The following PDE10A variants were observed in gnomAD, a reference collection of about 807,000 sequenced individuals.
The protein encoded by PDE10A is cAMP and cAMP-inhibited cGMP 3',5'-cyclic phosphodiesterase 10A.
A neutral mutation model predicts 97.7 loss-of-function variants in PDE10A; 39 were observed. That is an observed-to-expected ratio of 0.40 (90% CI 0.31 to 0.52). The LOEUF is 0.52. Ranked by LOEUF, PDE10A falls within the 20% of genes least tolerant of loss-of-function variation. PDE10A has a pLI of 0.56. For synonymous variants in PDE10A, 371 were observed against 376.8 expected, an observed-to-expected ratio of 0.98 and a Z score of 0.18; for missense variants, 731 against 1,047.8, an observed-to-expected ratio of 0.70 and a Z score of 4.17.
Position 165,662,106 on chromosome 6 carries a change from C to CGCCGGGGAA in PDE10A, c.697_705dup (p.Phe233_Gly235dup). ...GTTTGGCCGCCGCCGCCTGGGCCGGCGCCGGGGAAGCCGGGGGAGCCCGCG... is the reference window on the plus strand; with the variant it reads ...GTTTGGCCGCCGCCGCCTGGGCCGGCGCCGGGGAAGCCGGGGAAGCCGGGGGAGCCCGCG... On this transcript the variant is annotated inframe_insertion, in exon 1 of 22. Transcript: ENST00000539869. 9.2e-7 allele frequency: 1 copy of CGCCGGGGAA among 1,086,108 alleles called. No individual in the cohort carries two copies. The highest frequency in any genetic ancestry group is 1.1e-6 in the Non-Finnish European group (1 of 892,498). 67.3% of individuals were successfully genotyped at this position (1,086,108 alleles called of 1,614,324 possible).
chr6:165,338,951 A>G (rs1781811570), intron 20 of PDE10A, among the ~76,000 whole-genome samples: 1 of 152,206 alleles, frequency 6.6e-6, no homozygotes, highest in African/African-American at 2.4e-5. Context: ...TGTGGCTTTT[A>G]GCCTTGGGAA....
At chr6:165,437,214 T>C (rs929980466) in intron 5 of PDE10A, among the ~76,000 whole-genome samples, 2 of 151,272 alleles carry the variant, frequency 1.3e-5, no homozygotes, top group African/African-American at 2.4e-5. Context: ...ATTTGTTTGT[T>C]TGAAAATGTA....
intron 1 of PDE10A, among the ~76,000 whole-genome samples, chr6:165,926,312 T>G (rs1374839137): frequency 1.3e-5 from 2 of 152,214 alleles, no homozygotes; most frequent in African/African-American, 2.4e-5. Flanking sequence ...AAACCATCCC[T>G]TCTTACCTGG....
chr6:165,358,680 AATTGTTGG>A (rs1783191110), intron 18 of PDE10A, among the ~76,000 whole-genome samples: 1 of 151,792 alleles, frequency 6.6e-6, no homozygotes, highest in African/African-American at 2.4e-5. Context: ...TATTTAATTT[AATTGTTGG>A]TTTTATTAGG....
chr6:165,488,813 A>C (rs1198139928), intron 2 of PDE10A, among the ~76,000 whole-genome samples: 5 of 151,980 alleles, frequency 3.3e-5, no homozygotes, highest in Non-Finnish European at 7.4e-5. Context: ...TGCCGGCTTT[A>C]CCCCACTTTT....
chr6:165,881,206 G>A (rs1781462475), intron 1 of PDE10A, among the ~76,000 whole-genome samples: 1 of 152,100 alleles, frequency 6.6e-6, no homozygotes, highest in Non-Finnish European at 1.5e-5. Flanking sequence ...TGGCTAATAG[G>A]AATGGAAATG....
At chr6:165,707,765 GTGTA>G (rs1392541877) in intron 1 of PDE10A, among the ~76,000 whole-genome samples, 3 of 152,072 alleles carry the variant, frequency 2.0e-5, no homozygotes, top group Non-Finnish European at 4.4e-5. Flanking sequence ...GTGTGTGAAA[GTGTA>G]TGTGTGTGTG....
chr6:165,917,762 G>A (rs1782647993), intron 1 of PDE10A, among the ~76,000 whole-genome samples: 1 of 152,176 alleles, frequency 6.6e-6, no homozygotes, highest in East Asian at 1.9e-4. Flanking sequence ...CGCCCCCTGC[G>A]TCACCATCAC....
intron 1 of PDE10A, among the ~76,000 whole-genome samples, chr6:165,816,841 G>A (rs1485701651): frequency 6.6e-6 from 1 of 152,100 alleles, no homozygotes; most frequent in Non-Finnish European, 1.5e-5. Context: ...AGCTTTTTCT[G>A]TTGGGGAAGT....
chr6:165,362,655 A>C (rs1783495515), intron 18 of PDE10A, among the ~76,000 whole-genome samples: 2 of 152,200 alleles, frequency 1.3e-5, no homozygotes, highest in Admixed American at 1.3e-4. Flanking sequence ...AATTAATACA[A>C]ATTCTTCATA....
At chr6:165,957,864 G>A (rs937238432) in intron 1 of PDE10A, among the ~76,000 whole-genome samples, 23 of 152,140 alleles carry the variant, frequency 1.5e-4, no homozygotes, top group Non-Finnish European at 2.2e-4. Flanking sequence ...TTGTGTTTGG[G>A]GGAGTCTGAA....
intron 1 of PDE10A, among the ~76,000 whole-genome samples, chr6:165,619,351 A>G (rs895809125): frequency 4.6e-5 from 7 of 151,092 alleles, no homozygotes; most frequent in Non-Finnish European, 1.0e-4. Flanking sequence ...AGTCTAGTGT[A>G]GTGTAGTCTA....
intron 3 of PDE10A, among the ~76,000 whole-genome samples, chr6:165,455,716 AC>A: frequency 6.6e-6 from 1 of 152,180 alleles, no homozygotes. Context: ...GCGGTGCCTA[AC>A]ATTTCTAAGG....
intron 3 of PDE10A, among the ~76,000 whole-genome samples, chr6:165,461,337 T>TGCTGCAGTAAACAA (rs1327404388): frequency 6.6e-6 from 1 of 152,180 alleles, no homozygotes; most frequent in African/African-American, 2.4e-5. Context: ...CATTTACAAT[T>TGCTGCAGTAAACAA]CCTGCAGTAA....
chr6:165,588,120 G>T (rs1371700767), intron 1 of PDE10A, among the ~76,000 whole-genome samples: 2 of 152,008 alleles, frequency 1.3e-5, no homozygotes, highest in Non-Finnish European at 2.9e-5. Context: ...TAAAAAAATG[G>T]TATGTATAAC....
chr6:165,901,663 A>G (rs532012181), intron 1 of PDE10A, among the ~76,000 whole-genome samples: 60 of 152,292 alleles, frequency 3.9e-4, no homozygotes, highest in African/African-American at 1.4e-3. Context: ...TTAGCCACGC[A>G]TGGTGGCACA....
chr6:165,689,217 T>C lies in PDE10A; in HGVS notation c.-614-145649A>G, dbSNP rs77663369. Among the ~76,000 whole-genome samples the C allele has an allele frequency of 9.5e-3, 1,445 of 152,344 alleles. 15 individuals are homozygous for C. The highest frequency in any genetic ancestry group is 0.027 in the Middle Eastern group (8 of 294). ...AACCGTTGTGGGGTTAAGTGATAGT[T>C]CAGCTTCAGTATCTTTAAAGTGGAT... On this transcript the variant is annotated intron_variant, in intron 1 of 19. Transcript: ENST00000366882.
intron 1 of PDE10A, among the ~76,000 whole-genome samples, chr6:165,712,800 C>T (rs1006889858): frequency 2.6e-5 from 4 of 151,870 alleles, no homozygotes; most frequent in Admixed American, 6.6e-5. Context: ...CCACCACGCC[C>T]GGCTTATTTT....
At chr6:165,751,423 C>T (rs1278082195) in intron 1 of PDE10A, among the ~76,000 whole-genome samples, 1 of 152,176 alleles carries the variant, frequency 6.6e-6, no homozygotes, top group African/African-American at 2.4e-5. Context: ...AGTGAAGGAG[C>T]ACCCCTTTGA....
Sources: allele counts gnomAD v4.1 joint callset (sites outside exome capture counted in the v4.1 genomes callset), GRCh38; gene constraint gnomAD v4.1.1; transcripts MANE v1.5; gene names NCBI Gene and HGNC (gene_info 2026-07-23, HGNC 2026-07-21).